NAGPA: variants seen among roughly 807,000 people sequenced by gnomAD.
NAGPA encodes alpha-N-acetylglucosaminyl phosphodiesterase.
Under a neutral mutation model 48.5 loss-of-function variants are expected in NAGPA, and 56 were observed. That is an observed-to-expected ratio of 1.15 (90% CI 0.93 to 1.44). NAGPA has a LOEUF of 1.44. Ranked by LOEUF, NAGPA falls within the 40% of genes most tolerant of loss-of-function variation. NAGPA has a pLI of 0.00. For synonymous variants in NAGPA, 399 were observed against 315.5 expected, an observed-to-expected ratio of 1.26 and a Z score of -2.81; for missense variants, 888 against 735.0, an observed-to-expected ratio of 1.21 and a Z score of -2.41.
In NAGPA at chr16:5,028,863, G is replaced by C. The variant is rs780836310; in HGVS notation, c.920+17C>G. 1 of 1,613,904 alleles carries C rather than the reference G, an allele frequency of 6.2e-7. No individual in the cohort carries two copies. The highest frequency in any genetic ancestry group is 1.7e-5 in the Admixed American group (1 of 60,016). The stretch of plus-strand genomic sequence containing the variant: ...CCTGGACTTCAGCCCTCACGAAGGC[G>C]GCTCTCACGTGCTTACCAGTGATCT... On this transcript the variant is annotated intron_variant, in intron 5 of 9. Coordinates refer to ENST00000312251, the MANE Select transcript of NAGPA (RefSeq NM_016256.4).
intron 7 of NAGPA, 93 bp from the exon 8 acceptor site, chr16:5,027,472 CT>C: frequency 7.5e-7 from 1 of 1,336,220 alleles, no homozygotes; most frequent in Non-Finnish European, 1.1e-6. Flanking sequence ...ATACCTGCCC[CT>C]GCCCATGTGT....
intron 4 of NAGPA, chr16:5,029,337 G>A: frequency 2.7e-6 from 1 of 365,848 alleles, no homozygotes; most frequent in South Asian, 2.2e-5. Flanking sequence ...TGAAATACGA[G>A]GGGGATGAGA....
In NAGPA at chr16:5,027,326, G is replaced by A. The variant is rs1478799245; in HGVS notation, c.1228C>T (p.His410Tyr). 6.2e-7 allele frequency: 1 copy of A among 1,614,212 alleles called. No individual in the cohort carries two copies. The highest frequency in any genetic ancestry group is 8.5e-7 in the Non-Finnish European group (1 of 1,180,038). ...PGCQRPCKCE[H>Y]HCPCDPKTGN... is the part of the protein sequence containing the mutation. Reference sequence around the variant, plus strand: ...GTCTTGGGGTCACAGGGACAATGGTGCTCACACTTACAAGGCCTCTGGCAG... The same window carrying A: ...GTCTTGGGGTCACAGGGACAATGGTACTCACACTTACAAGGCCTCTGGCAG... Residue 410 changes from histidine (H) to tyrosine (Y), a missense_variant, in exon 8 of 10, where the codon CAC becomes TAC. His to Tyr is a moderately conservative substitution (Grantham distance 83). Transcript: ENST00000312251.
chr16:5,028,925 G>GT lies in NAGPA; in HGVS notation c.874dup (p.Thr292AsnfsTer42). On this transcript the variant is annotated frameshift_variant, in exon 5 of 10. Coordinates refer to ENST00000312251, the MANE Select transcript of NAGPA (RefSeq NM_016256.4). LOFTEE classifies it high-confidence loss of function. Reference sequence around the variant, plus strand: ...GGCCAAGGTCCCGTTGAGCACAAAGGTGGCAGAGCCACCCCCATCCAGGTT... The same window carrying GT: ...GGCCAAGGTCCCGTTGAGCACAAAGGTTGGCAGAGCCACCCCCATCCAGGTT... 1 of 1,614,104 alleles carries GT rather than the reference G, an allele frequency of 6.2e-7. No homozygotes were observed.
intron 4 of NAGPA, chr16:5,030,145 T>C: frequency 8.5e-6 from 5 of 588,038 alleles, no homozygotes; most frequent in Non-Finnish European, 1.5e-5. Flanking sequence ...GACCATTTCC[T>C]TGTATCCTAT....
chr16:5,033,075 G>A lies in NAGPA; in HGVS notation c.542+198C>T. 4.5e-6 allele frequency: 3 copies of A among 667,204 alleles called. No individual in the cohort carries two copies. Among genetic ancestry groups the A allele is most frequent in the Non-Finnish European group, 5.1e-6 (2 of 390,690 alleles). The allele number at this position is 667,204 out of a possible 1,614,324, so 41.3% of individuals were successfully genotyped here. ...TTCACGGCTATCTCACCGGGGCGCG[G>A]CACATTGCCTGATACAAGCAAGTGC... is the stretch of plus-strand genomic sequence containing the variant. On this transcript the variant is annotated intron_variant, in intron 2 of 9. Coordinates refer to ENST00000312251, the MANE Select transcript of NAGPA (RefSeq NM_016256.4). This position sits in a 1 kb window ranked among gnomAD's most constrained non-coding sequence, Gnocchi z 4.2.
chr16:5,030,287 C>T (rs1956076236), intron 4 of NAGPA, 98 bp downstream of exon 4: 2 of 1,150,018 alleles, frequency 1.7e-6, no homozygotes, highest in South Asian at 2.6e-5. Context: ...GTCAACATCC[C>T]AGAAAGCAGG....
At chr16:5,031,493 T>G in intron 3 of NAGPA, 10 of 494,068 alleles carry the variant, frequency 2.0e-5, no homozygotes, top group East Asian at 3.9e-5. Flanking sequence ...CCGGTCCCCA[T>G]CTCTCCCCTT....
Position 5,031,605 on chromosome 16 carries a change from C to T in NAGPA, c.682+140G>A, listed in dbSNP as rs1956097062. 4.5e-6 allele frequency: 5 copies of T among 1,116,560 alleles called. No individual in the cohort carries two copies. In the African/African-American group the frequency reaches 6.1e-5, roughly 14 times the overall value. The allele number at this position is 1,116,560 out of a possible 1,614,324, so 69.2% of individuals were successfully genotyped here. ...TATTCAATATAAGCCTATCTTCCTCCCCATGAATCCCCAGTACCCAGAATA... is the reference window on the plus strand; with the variant it reads ...TATTCAATATAAGCCTATCTTCCTCTCCATGAATCCCCAGTACCCAGAATA... On this transcript the variant is annotated intron_variant, in intron 3 of 9. Coordinates refer to ENST00000312251, the MANE Select transcript of NAGPA (RefSeq NM_016256.4).
rs111227728 is a variant in NAGPA, at chr16:5,030,102, T to A, written c.791+283A>T. 1.0e-4 allele frequency: 56 copies of A among 541,068 alleles called. 1 individual carries two copies. The East Asian group carries it at 1.8e-3, about 18-fold the overall frequency. The allele number at this position is 541,068 out of a possible 1,614,324, so 33.5% of individuals were successfully genotyped here. On this transcript the variant is annotated intron_variant, in intron 4 of 9. Coordinates refer to ENST00000312251, the MANE Select transcript of NAGPA (RefSeq NM_016256.4). Reference sequence around the variant, plus strand: ...CAAGTCATCGATGGCTAAGCTGGGATTGGAACCAAGATCTTCTCCCTGCTC... The same window carrying A: ...CAAGTCATCGATGGCTAAGCTGGGAATGGAACCAAGATCTTCTCCCTGCTC...
intron 4 of NAGPA, chr16:5,029,283 A>C: frequency 2.1e-6 from 1 of 485,930 alleles, no homozygotes; most frequent in South Asian, 2.0e-5. Flanking sequence ...AGTGTTCAAC[A>C]CAGAGAGCCT....
chr16:5,032,216 C>G (rs1956113280), intron 2 of NAGPA, among the ~76,000 whole-genome samples: 1 of 152,206 alleles, frequency 6.6e-6, no homozygotes, highest in Non-Finnish European at 1.5e-5. Context: ...ACCACTTGAT[C>G]CCTGTTACGG....
At chr16:5,030,570 G>A (rs1956080594) in intron 3 of NAGPA, 77 bp from the exon 4 acceptor site, 1 of 1,195,732 alleles carries the variant, frequency 8.4e-7, no homozygotes, top group South Asian at 1.3e-5. Context: ...CTTCCCACTG[G>A]TCTGAGCTAC....
chr16:5,028,031 C>G lies in NAGPA; in HGVS notation c.1075G>C (p.Glu359Gln), dbSNP rs770485154. 2.5e-6 allele frequency: 4 copies of G among 1,613,732 alleles called. No homozygotes were observed. Among genetic ancestry groups the G allele is most frequent in the Non-Finnish European group, 2.5e-6 (3 of 1,179,950 alleles). The change falls in exon 6 of 10, where the codon GAG becomes CAG. Residue 359 changes from glutamate to glutamine, a missense_variant. Transcript: ENST00000312251. ...CAGTTAGAGGGGCCACAGTCCAGCT[C>G]ATCACAGCCGGGACCCCGCCAGAAG... is the stretch of plus-strand genomic sequence containing the variant. Reference protein sequence around the residue: ...GHFWRGPGCDELDCGPSNCSQ... With the variant: ...GHFWRGPGCDQLDCGPSNCSQ...
rs1956149964 is a variant in NAGPA at position 5,033,711 on chromosome 16, T to C, written c.104A>G (p.Asp35Gly). The change falls in exon 2 of 10, where the codon GAC becomes GGC. Residue 35 changes from aspartate (D) to glycine (G), a missense_variant. By Grantham distance (94) the Asp-to-Gly change is moderately conservative. Transcript: ENST00000312251. This position sits in a 1 kb window ranked among gnomAD's most constrained non-coding sequence, Gnocchi z 4.2. ...GLDSGASRDD[D>G]LLLPYPRARA... ...CGCGCGTGGATAGGGCAGTAGCAAG[T>C]CGTCGTCGCGGGAGGCCCTGCGGGG... 6.2e-7 allele frequency: 1 copy of C among 1,603,016 alleles called. No homozygotes were observed. Among genetic ancestry groups the C allele is most frequent in the Non-Finnish European group, 8.5e-7 (1 of 1,177,616 alleles).
rs755414542 is a variant in NAGPA at position 5,027,884 on chromosome 16, C to T, written c.1136G>A (p.Arg379His). Residue 379 changes from arginine (R) to histidine (H), a missense_variant, in exon 7 of 10, where the codon CGC (arginine) becomes CAC (histidine). Coordinates refer to ENST00000312251, the MANE Select transcript of NAGPA (RefSeq NM_016256.4). ...GGACCCGGTCCATCCGGCATCACAG[C>T]GGCAGCCGGCTGCCGAGACAAGACC... The part of the protein sequence containing the change: ...QHGLCTETGC[R>H]CDAGWTGSNC... 7.4e-5 allele frequency: 117 copies of T among 1,586,424 alleles called. No individual in the cohort carries two copies. The highest frequency in any genetic ancestry group is 9.3e-5 in the Non-Finnish European group (109 of 1,166,866).
In NAGPA at chr16:5,025,496, G is replaced by A; in HGVS notation, c.1530C>T (p.His510=). The A allele has an allele frequency of 1.2e-6, 2 of 1,612,262 alleles. No homozygotes were observed. Among genetic ancestry groups the A allele is most frequent in the Non-Finnish European group, 1.7e-6 (2 of 1,179,966 alleles). ...TGAGGCTTCAGTCCTTGAAGGGGTT[G>A]TGGGCGCCCCCTGGCTGCTCCTTCT... is the stretch of plus-strand genomic sequence containing the variant. ...AAEKEQPGGA[H]NPFKD The change falls in exon 10 of 10, where the codon CAC becomes CAT. Residue 510 remains histidine (H), a synonymous_variant. Coordinates refer to ENST00000312251, the MANE Select transcript of NAGPA (RefSeq NM_016256.4).
Position 5,027,195 on chromosome 16 carries a change from T to A in NAGPA, c.1280A>T (p.Lys427Met). 6.2e-7 allele frequency: 1 copy of A among 1,614,132 alleles called. No homozygotes were observed. The highest frequency in any genetic ancestry group is 1.7e-5 in the Admixed American group (1 of 60,026). Residue 427 changes from lysine (K) to methionine (M), a missense_variant, in exon 9 of 10, where the codon AAG becomes ATG. Lys to Met is a moderately conservative substitution (Grantham distance 95, BLOSUM62 -1). Transcript: ENST00000312251. ...KTGNCSVSRVKQCLQPPEATL... is the reference protein window; with the variant it reads ...KTGNCSVSRVMQCLQPPEATL... ...GGCTTCAGGTGGCTGGAGACACTGC[T>A]TTACTGTAACATACCAGAGACAGGC... is the stretch of plus-strand genomic sequence containing the variant.
chr16:5,031,902 G>A lies in NAGPA; in HGVS notation c.543-18C>T. 6.2e-7 allele frequency: 1 copy of A among 1,614,088 alleles called. No homozygotes were observed. Among genetic ancestry groups the A allele is most frequent in the Non-Finnish European group, 8.5e-7 (1 of 1,180,020 alleles). ...ACAGGTACCTGGATCCGGGGAAGGT[G>A]GGAAGCTCACTCACCAGCAGGGGCA... On this transcript the variant is annotated intron_variant, in intron 2 of 9. Coordinates refer to ENST00000312251, the MANE Select transcript of NAGPA (RefSeq NM_016256.4).
Sources: allele counts gnomAD v4.1 joint callset (sites outside exome capture counted in the v4.1 genomes callset), GRCh38; gene constraint gnomAD v4.1.1; non-coding constraint Gnocchi (gnomAD v3.1); transcripts MANE v1.5; gene names NCBI Gene and HGNC (gene_info 2026-07-23, HGNC 2026-07-21).